Variants in DHRS2 observed in about 807,000 individuals in gnomAD.
DHRS2 encodes dehydrogenase/reductase SDR family member 2, mitochondrial.
A neutral mutation model predicts 26.3 loss-of-function variants in DHRS2; 29 were observed. The observed-to-expected ratio is 1.10, with a 90% CI of 0.82 to 1.50. The LOEUF is 1.50. Among genes scored for constraint, DHRS2 ranks in the 40% most tolerant of loss-of-function variants. The probability of loss-of-function intolerance (pLI) is 0.00; values close to 1 mark genes in which losing one functional copy is unlikely to be tolerated. For missense variants in DHRS2, 439 were observed against 367.1 expected, an observed-to-expected ratio of 1.20 and a Z score of -1.60; for synonymous variants, 164 against 151.3, an observed-to-expected ratio of 1.08 and a Z score of -0.62.
chr14:23,645,362 C>T lies in DHRS2; in HGVS notation c.*109C>T. ...AGAGTCTGCCATTCTGCCAGACTAGCAATTTGGGGGCTTACTCATGCTAGG... is the reference window on the plus strand; with the variant it reads ...AGAGTCTGCCATTCTGCCAGACTAGTAATTTGGGGGCTTACTCATGCTAGG... On this transcript the variant is annotated 3_prime_UTR_variant, in exon 9 of 9. Transcript: ENST00000250383. 2 of 1,591,870 alleles carry T rather than the reference C, an allele frequency of 1.3e-6. No individual in the cohort carries two copies. The highest frequency in any genetic ancestry group is 2.2e-5 in the East Asian group (1 of 44,614).
rs565178251 is a variant in DHRS2 at position 23,640,585 on chromosome 14, C to T, written c.420+690C>T. 7.0e-5 allele frequency: 20 copies of T among 283,880 alleles called. No homozygotes were observed. In the South Asian group the frequency reaches 2.4e-3, roughly 34 times the overall value. 17.6% of individuals were successfully genotyped at this position (283,880 alleles called of 1,614,324 possible). A position where few individuals can be genotyped will look rare whatever the true frequency, so the allele number is the denominator to read the frequency against. ...GTTTTCTGTTCTCTCTGCCAGAATG[C>T]GTCGTGATGAATCTCATTCTTTCTG... is the stretch of plus-strand genomic sequence containing the variant. On this transcript the variant is annotated intron_variant, in intron 4 of 8. Coordinates refer to ENST00000250383, the MANE Select transcript of DHRS2 (RefSeq NM_005794.4).
chr14:23,632,761 A>G (rs1368663045), upstream of DHRS2, among the ~76,000 whole-genome samples: 2 of 152,206 alleles, frequency 1.3e-5, no homozygotes, highest in Non-Finnish European at 2.9e-5. Context: ...GCATGTCTGG[A>G]ACTGATGAGG....
chr14:23,632,688 A>C (rs951327394), upstream of DHRS2, among the ~76,000 whole-genome samples: 2 of 152,196 alleles, frequency 1.3e-5, no homozygotes, highest in Admixed American at 1.3e-4. Context: ...ACAAGGGGAG[A>C]TGCAGTAGGT....
chr14:23,632,882 T>C (rs1890159834), upstream of DHRS2, among the ~76,000 whole-genome samples: 1 of 152,210 alleles, frequency 6.6e-6, no homozygotes, highest in Admixed American at 6.5e-5. Context: ...GGCACTGTCC[T>C]GTCCCACATG....
At chr14:23,633,146 T>G (rs1890168881), upstream of DHRS2, among the ~76,000 whole-genome samples, 1 of 152,192 alleles carries the variant, frequency 6.6e-6, no homozygotes, top group African/African-American at 2.4e-5. Context: ...CATGGTGATA[T>G]ATCTTCATAC....
chr14:23,631,680 A>G (rs1890122814), upstream of DHRS2, among the ~76,000 whole-genome samples: 1 of 152,112 alleles, frequency 6.6e-6, no homozygotes. Context: ...GGGCATCTGA[A>G]TTGATAAGCA....
intron 5 of DHRS2, 28 bp downstream of exon 5, chr14:23,643,247 T>C (rs1234759449): frequency 3.7e-6 from 6 of 1,611,614 alleles, no homozygotes; most frequent in East Asian, 2.2e-5. Flanking sequence ...TGGGGACCAG[T>C]CGGAGTTGGG....
At chr14:23,639,430 G>T in intron 3 of DHRS2, 74 bp downstream of exon 3, 4 of 1,471,076 alleles carry the variant, frequency 2.7e-6, no homozygotes, top group Non-Finnish European at 3.6e-6. Context: ...TGGCCCTTGT[G>T]GGGTGGGTCT....
chr14:23,639,246 C>G lies in DHRS2; in HGVS notation c.208C>G (p.Gln70Glu), dbSNP rs375920436. 1.3e-5 allele frequency: 21 copies of G among 1,613,816 alleles called. No homozygotes were observed. In the East Asian group the frequency reaches 4.5e-4, roughly 34 times the overall value. Residue 70 changes from glutamine (Q) to glutamate (E), a missense_variant, in exon 3 of 9, where the codon CAG (glutamine) becomes GAG (glutamate). Physicochemically the swap from Gln to Glu is conservative, Grantham distance 29. Coordinates refer to ENST00000250383, the MANE Select transcript of DHRS2 (RefSeq NM_005794.4). ...GAHVVISSRK[Q>E]QNVDRAMAKL... is the part of the protein sequence containing the mutation. ...CCACGTGGTCATCAGCAGCCGGAAG[C>G]AGCAGAACGTGGACCGGGCCATGGC...
chr14:23,638,795 C>A, intron 1 of DHRS2, 32 bp from the exon 2 acceptor site: 1 of 1,565,916 alleles, frequency 6.4e-7, no homozygotes, highest in Non-Finnish European at 8.7e-7. Context: ...ACTGAGGCAT[C>A]AGTGATAAGT....
intron 5 of DHRS2, chr14:23,643,829 C>T (rs1327216589): frequency 2.1e-6 from 1 of 479,930 alleles, no homozygotes; most frequent in African/African-American, 2.0e-5. Context: ...ACAAAGCCCA[C>T]CCTGCCCTCT....
chr14:23,632,489 G>A (rs1417646660), upstream of DHRS2, among the ~76,000 whole-genome samples: 1 of 152,186 alleles, frequency 6.6e-6, no homozygotes, highest in Non-Finnish European at 1.5e-5. Flanking sequence ...TATCAGAAGA[G>A]ATATAAATCG....
chr14:23,641,706 T>G (rs1475630979), intron 4 of DHRS2: 1 of 1,289,866 alleles, frequency 7.8e-7, no homozygotes, highest in Non-Finnish European at 1.0e-6. Context: ...CTGGACCACT[T>G]CTTGCAGTCA....
At chr14:23,643,634 C>G (rs1269765702) in intron 5 of DHRS2, 1 of 269,082 alleles carries the variant, frequency 3.7e-6, no homozygotes, top group Non-Finnish European at 7.2e-6. Flanking sequence ...TCCAGGGACC[C>G]TGCCTGTGTT....
intron 4 of DHRS2, chr14:23,642,025 C>T (rs1474479145): frequency 1.8e-6 from 2 of 1,109,194 alleles, no homozygotes; most frequent in Non-Finnish European, 1.1e-6. Flanking sequence ...TTTCACTTCT[C>T]CCCCGTTCCC....
At chr14:23,638,558 C>T in intron 1 of DHRS2, 1 of 317,444 alleles carries the variant, frequency 3.2e-6, no homozygotes, top group Non-Finnish European at 6.0e-6. Flanking sequence ...TCAATGTTTG[C>T]TATGCAATGG....
chr14:23,634,635 T>C (rs899823708), upstream of DHRS2, among the ~76,000 whole-genome samples: 2 of 152,242 alleles, frequency 1.3e-5, no homozygotes, highest in African/African-American at 2.4e-5. Context: ...TCATTCATTT[T>C]CATTATTGTA....
chr14:23,637,782 A>G (rs1053152400), intron 1 of DHRS2, among the ~76,000 whole-genome samples: 3 of 152,182 alleles, frequency 2.0e-5, no homozygotes, highest in Admixed American at 6.5e-5. Context: ...AAATGCACCA[A>G]TCAGCACTCT....
At chr14:23,644,594 T>G (rs778030938) in intron 7 of DHRS2, 51 bp downstream of exon 7, 1 of 1,613,722 alleles carries the variant, frequency 6.2e-7, no homozygotes, top group Non-Finnish European at 8.5e-7. Flanking sequence ...GTGGGAACCC[T>G]TCCCAGTGAA....
Sources: gnomAD v4.1 joint callset for allele counts (sites outside exome capture counted in the v4.1 genomes callset) on GRCh38, gnomAD v4.1.1 for gene constraint, MANE v1.5 for transcripts, NCBI Gene and HGNC (gene_info 2026-07-23, HGNC 2026-07-21) for gene names.